Variants in CUEDC1 observed in about 807,000 individuals in gnomAD.
CUEDC1 encodes the protein CUE domain-containing protein 1.
A neutral mutation model predicts 43.7 loss-of-function variants in CUEDC1; 30 were observed. The observed-to-expected ratio is 0.69, with a 90% CI of 0.51 to 0.93. CUEDC1 has a LOEUF of 0.93. Among genes scored for constraint, CUEDC1 ranks in the 40% least tolerant of loss-of-function variants. CUEDC1 has a pLI of 0.00. For synonymous variants in CUEDC1, 223 were observed against 223.6 expected (o/e 1.00, Z 0.02); for missense variants, 486 against 549.0 (o/e 0.89, Z 1.15).
chr17:57,871,496 C>A (rs2074034417), intron 5 of CUEDC1, 127 bp from the exon 6 acceptor site: 3 of 692,810 alleles, frequency 4.3e-6, no homozygotes, highest in East Asian at 5.3e-5. Context: ...CACACGGGCA[C>A]CCAAAATATG....
Position 57,941,247 on chromosome 17 carries a change from C to G in CUEDC1, c.-316+13978G>C, listed in dbSNP as rs1209070549. ...CCTGTTTCATTTTAACTGGAAAAGTCCCCCATGACTGAGCTTTTCTCCCCC... is the reference window on the plus strand; with the variant it reads ...CCTGTTTCATTTTAACTGGAAAAGTGCCCCATGACTGAGCTTTTCTCCCCC... On this transcript the variant is annotated intron_variant, in intron 1 of 10. Transcript: ENST00000577830. Among the ~76,000 whole-genome samples the G allele has an allele frequency of 2.0e-5, 3 of 152,312 alleles. No individual in the cohort carries two copies. In the East Asian group the frequency reaches 5.8e-4, roughly 29 times the overall value.
intron 1 of CUEDC1, among the ~76,000 whole-genome samples, chr17:57,887,898 C>CTTTT (rs748886251): frequency 1.7e-4 from 20 of 118,022 alleles, no homozygotes; most frequent in African/African-American, 2.9e-4. Context: ...TTCTTTTTCT[C>CTTTT]TTTTTTTTTT....
At chr17:57,905,483 G>C (rs1179427701) in intron 1 of CUEDC1, among the ~76,000 whole-genome samples, 5 of 152,198 alleles carry the variant, frequency 3.3e-5, no homozygotes, top group African/African-American at 9.6e-5. Context: ...TGAGGCTGGC[G>C]GGGAAGATGG....
intron 9 of CUEDC1, 57 bp downstream of exon 9, chr17:57,867,300 G>A (rs1175845272): frequency 6.7e-6 from 10 of 1,501,654 alleles, no homozygotes; most frequent in African/African-American, 1.4e-5. Flanking sequence ...CAGGAACTCC[G>A]CTGGGAGATC....
chr17:57,868,095 G>C, intron 8 of CUEDC1, 55 bp downstream of exon 8: 1 of 1,459,712 alleles, frequency 6.9e-7, no homozygotes, highest in Non-Finnish European at 9.6e-7. Context: ...CAGGGGTCTT[G>C]CTCCATGGCC....
intron 1 of CUEDC1, among the ~76,000 whole-genome samples, chr17:57,916,701 C>A (rs1276581582): frequency 2.0e-5 from 3 of 152,180 alleles, no homozygotes; most frequent in African/African-American, 7.2e-5. Context: ...CGCCCACCCC[C>A]AGGCTCACAA....
chr17:57,927,445 T>G (rs1007860571), intron 1 of CUEDC1, among the ~76,000 whole-genome samples: 1 of 150,876 alleles, frequency 6.6e-6, no homozygotes, highest in Non-Finnish European at 1.5e-5. Flanking sequence ...AGTCTGCTTC[T>G]CCAGTGTTCA....
chr17:57,901,741 C>A (rs1010669700), intron 1 of CUEDC1, among the ~76,000 whole-genome samples: 6 of 152,232 alleles, frequency 3.9e-5, no homozygotes, highest in African/African-American at 1.4e-4. Context: ...ACGGCCCCAG[C>A]CTACAAATGG....
intron 1 of CUEDC1, among the ~76,000 whole-genome samples, chr17:57,947,108 C>T (rs1349464591): frequency 6.7e-6 from 1 of 149,918 alleles, no homozygotes; most frequent in Non-Finnish European, 1.5e-5. Flanking sequence ...GAGGCTTCCC[C>T]TTAACAGAGC....
chr17:57,879,781 C>A, intron 2 of CUEDC1, 43 bp from the exon 3 acceptor site: 1 of 1,569,450 alleles, frequency 6.4e-7, no homozygotes. Context: ...ATCATCCCTC[C>A]TTGAATTTAA....
chr17:57,906,143 T>C, intron 1 of CUEDC1, among the ~76,000 whole-genome samples: 1 of 152,194 alleles, frequency 6.6e-6, no homozygotes, highest in East Asian at 1.9e-4. Flanking sequence ...AAATAGGTAA[T>C]TGTACATCAG....
chr17:57,885,097 A>G, intron 2 of CUEDC1, 132 bp downstream of exon 2: 1 of 1,431,058 alleles, frequency 7.0e-7, no homozygotes, highest in Non-Finnish European at 9.2e-7. Flanking sequence ...GCTAATTAGA[A>G]CCCAGATAGC....
chr17:57,890,862 A>C (rs2074347791), intron 1 of CUEDC1, among the ~76,000 whole-genome samples: 1 of 152,212 alleles, frequency 6.6e-6, no homozygotes, highest in Non-Finnish European at 1.5e-5. Flanking sequence ...TCCTGGGTGC[A>C]CTTTGTGACC....
intron 5 of CUEDC1, 101 bp from the exon 6 acceptor site, chr17:57,871,470 G>A: frequency 2.2e-6 from 2 of 909,546 alleles, no homozygotes; most frequent in Non-Finnish European, 3.6e-6. Flanking sequence ...TAAGTCCCCA[G>A]AATCACACAT....
chr17:57,885,274 G>C lies in CUEDC1; in HGVS notation c.291C>G (p.Gly97=), dbSNP rs957219957. 1 of 1,605,028 alleles carries C rather than the reference G, an allele frequency of 6.2e-7. No homozygotes were observed. The highest frequency in any genetic ancestry group is 8.5e-7 in the Non-Finnish European group (1 of 1,175,374). Residue 97 remains glycine (G), a synonymous_variant, in exon 2 of 11, where the codon GGC becomes GGG. Transcript: ENST00000577830. ...MNLEGGGSSG[G]VYEDSSDSED... is the part of the protein sequence containing the mutation. ...CCGAGTCGGAGCTGTCCTCATAGAC[G>C]CCGCCGCTGCTGCCACCGCCCTCCA...
chr17:57,894,197 T>C (rs2074385593), intron 1 of CUEDC1, among the ~76,000 whole-genome samples: 1 of 152,144 alleles, frequency 6.6e-6, no homozygotes, highest in Non-Finnish European at 1.5e-5. Context: ...ACACCTGGTT[T>C]CCATGCCCAC....
intron 1 of CUEDC1, among the ~76,000 whole-genome samples, chr17:57,935,406 A>ACAAACAC (rs2074851488): frequency 2.6e-5 from 2 of 77,012 alleles, no homozygotes; most frequent in Non-Finnish European, 3.4e-5. Flanking sequence ...CACACACACA[A>ACAAACAC]ACACACACAC....
chr17:57,937,742 A>C (rs2074875812), intron 1 of CUEDC1, among the ~76,000 whole-genome samples: 1 of 151,906 alleles, frequency 6.6e-6, no homozygotes, highest in African/African-American at 2.4e-5. Context: ...CTATCTCTAC[A>C]AATAATTTTT....
chr17:57,886,131 C>T (rs1211640528), intron 1 of CUEDC1, among the ~76,000 whole-genome samples: 1 of 152,192 alleles, frequency 6.6e-6, no homozygotes, highest in Non-Finnish European at 1.5e-5. Flanking sequence ...TCTATGTGGG[C>T]CAACTCATGA....
Sources: allele counts gnomAD v4.1 joint callset (sites outside exome capture counted in the v4.1 genomes callset), GRCh38; gene constraint gnomAD v4.1.1; transcripts MANE v1.5; gene names NCBI Gene and HGNC (gene_info 2026-07-23, HGNC 2026-07-21).